The following PARD3B variants were observed in gnomAD, a reference collection of about 807,000 sequenced individuals.
PARD3B encodes partitioning defective 3 homolog B.
A neutral mutation model predicts 130.2 loss-of-function variants in PARD3B; 103 were observed. The ratio of observed to expected loss-of-function variants is 0.79; its 90% confidence interval spans 0.67 to 0.93. PARD3B has a LOEUF of 0.93. Among genes scored for constraint, PARD3B ranks in the 40% least tolerant of loss-of-function variants. The probability of loss-of-function intolerance (pLI) is 0.00; values close to 1 mark genes in which losing one functional copy is unlikely to be tolerated. For synonymous variants in PARD3B, 583 were observed against 553.2 expected, an observed-to-expected ratio of 1.05 and a Z score of -0.76; for missense variants, 1,609 against 1,499.2, an observed-to-expected ratio of 1.07 and a Z score of -1.21.
chr2:204,571,489 A>T (rs2125068622), intron 1 of PARD3B, among the ~76,000 whole-genome samples: 1 of 152,326 alleles, frequency 6.6e-6, no homozygotes, highest in East Asian at 1.9e-4. Context: ...AACTGTGTGT[A>T]TGTCCATGCA....
At chr2:204,843,281 C>T (rs1253605807) in intron 2 of PARD3B, among the ~76,000 whole-genome samples, 1 of 152,170 alleles carries the variant, frequency 6.6e-6, no homozygotes, top group East Asian at 1.9e-4. Context: ...CTGTCCCAGT[C>T]TTGACATTCA....
chr2:205,203,029 T>C (rs1432555502), intron 15 of PARD3B, among the ~76,000 whole-genome samples: 7 of 152,154 alleles, frequency 4.6e-5, no homozygotes, highest in Non-Finnish European at 1.0e-4. Context: ...GTGTATTTTC[T>C]CAAGCTGGGG....
intron 2 of PARD3B, among the ~76,000 whole-genome samples, chr2:204,804,314 C>T (rs2042685595): frequency 6.6e-6 from 1 of 151,986 alleles, no homozygotes; most frequent in Admixed American, 6.6e-5. Context: ...AGAGATATTC[C>T]ATGCAAATTG....
In PARD3B at chr2:205,021,621, C is replaced by T. The variant is rs200132362; in HGVS notation, c.395-25960C>T. On this transcript the variant is annotated intron_variant, in intron 3 of 22. Transcript: ENST00000406610. This position sits in a 1 kb window ranked among gnomAD's most constrained non-coding sequence, Gnocchi z 4.5. ...CTCTCTCTCTCTCTCTCTCTCTCTC[C>T]CTCTCTCTTTCTCTCTCTCTCTCTC... is the stretch of plus-strand genomic sequence containing the variant. 3.8e-4 allele frequency among the ~76,000 whole-genome samples: 48 copies of T among 127,852 alleles called. No homozygotes were observed. The highest frequency in any genetic ancestry group is 3.4e-3 in the South Asian group (13 of 3,868). 83.9% of individuals were successfully genotyped at this position (127,852 alleles called of 152,430 possible). A position where few individuals can be genotyped will look rare whatever the true frequency, so the allele number is the denominator to read the frequency against.
intron 19 of PARD3B, among the ~76,000 whole-genome samples, chr2:205,429,232 A>G (rs1412951282): frequency 6.6e-6 from 1 of 152,212 alleles, no homozygotes; most frequent in African/African-American, 2.4e-5. Context: ...TCCCCCAAAA[A>G]TGTTCCTAAC....
At chr2:205,047,844 ATTAC>A (rs1698909678) in intron 4 of PARD3B, 154 bp downstream of exon 4, 3 of 543,658 alleles carry the variant, frequency 5.5e-6, no homozygotes, top group Admixed American at 3.4e-5. Flanking sequence ...AGTATGGGCT[ATTAC>A]TTGTATATAG....
At chr2:204,862,749 T>C (rs986958161) in intron 2 of PARD3B, among the ~76,000 whole-genome samples, 3 of 152,110 alleles carry the variant, frequency 2.0e-5, no homozygotes, top group African/African-American at 7.2e-5. Flanking sequence ...AACTTTCCCC[T>C]CAGTTTAGTT....
chr2:204,698,549 G>GTTTTT (rs563503534), intron 2 of PARD3B, among the ~76,000 whole-genome samples: 2 of 147,094 alleles, frequency 1.4e-5, no homozygotes, highest in African/African-American at 2.5e-5. Context: ...TGTTGATTGG[G>GTTTTT]TTTTTTTTTT....
chr2:204,817,535 G>T (rs185760368), intron 2 of PARD3B, among the ~76,000 whole-genome samples: 1 of 151,994 alleles, frequency 6.6e-6, no homozygotes, highest in African/African-American at 2.4e-5. Flanking sequence ...AGCACTCCTC[G>T]GTCTTGTGTG....
chr2:205,245,073 T>C (rs1285479686), intron 15 of PARD3B, among the ~76,000 whole-genome samples: 2 of 152,230 alleles, frequency 1.3e-5, no homozygotes, highest in African/African-American at 4.8e-5. Flanking sequence ...CTCTGCAACC[T>C]CTGTCTGCTT....
At chr2:204,850,481 TATATATATATAG>T (rs1476962426) in intron 2 of PARD3B, among the ~76,000 whole-genome samples, 1 of 151,272 alleles carries the variant, frequency 6.6e-6, no homozygotes, top group Non-Finnish European at 1.5e-5. Context: ...AAAAAATATG[TATATATATATAG>T]ATATATGTAT....
At chr2:205,030,676 A>G (rs1303570009) in intron 3 of PARD3B, among the ~76,000 whole-genome samples, 1 of 152,158 alleles carries the variant, frequency 6.6e-6, no homozygotes, top group Non-Finnish European at 1.5e-5. Context: ...TTTGTTTTAG[A>G]TAGGAAACAA....
intron 11 of PARD3B, among the ~76,000 whole-genome samples, chr2:205,159,929 A>G (rs2034408863): frequency 6.6e-6 from 1 of 152,184 alleles, no homozygotes; most frequent in Non-Finnish European, 1.5e-5. Context: ...GCTGCTGATA[A>G]ATGTTAGCCA....
chr2:204,545,813 C>G lies in PARD3B; in HGVS notation c.-187C>G, dbSNP rs2029884925. 1.7e-6 allele frequency: 1 copy of G among 582,506 alleles called. No individual in the cohort carries two copies. The highest frequency in any genetic ancestry group is 2.7e-6 in the Non-Finnish European group (1 of 371,822). The allele number at this position is 582,506 out of a possible 1,614,324, so 36.1% of individuals were successfully genotyped here. A position where few individuals can be genotyped will look rare whatever the true frequency, so the allele number is the denominator to read the frequency against. ...TTTCCGCGGCCGCCCCTCCCCGATT[C>G]CCGCCACCTGCCGCCTGGCCAGGTG... On this transcript the variant is annotated 5_prime_UTR_variant, in exon 1 of 23. Transcript: ENST00000406610.
intron 20 of PARD3B, among the ~76,000 whole-genome samples, chr2:205,457,384 T>G (rs1385150768): frequency 6.6e-6 from 1 of 152,058 alleles, no homozygotes; most frequent in Non-Finnish European, 1.5e-5. Context: ...ATAATTTTTA[T>G]TTTCTCCTTT....
chr2:204,710,323 A>C (rs1404396113), intron 2 of PARD3B, among the ~76,000 whole-genome samples: 1 of 152,206 alleles, frequency 6.6e-6, no homozygotes, highest in African/African-American at 2.4e-5. Context: ...GTTTCCATAT[A>C]TTCTGAATGG....
At chr2:205,085,768 A>G (rs1276607059) in intron 4 of PARD3B, among the ~76,000 whole-genome samples, 1 of 152,068 alleles carries the variant, frequency 6.6e-6, no homozygotes. Flanking sequence ...TATTCAGTAT[A>G]TATTTACATT....
intron 16 of PARD3B, among the ~76,000 whole-genome samples, chr2:205,296,325 T>C (rs2041789780): frequency 6.6e-6 from 1 of 152,202 alleles, no homozygotes; most frequent in African/African-American, 2.4e-5. Flanking sequence ...TTATTCTCAA[T>C]TATTCAAATC....
intron 19 of PARD3B, among the ~76,000 whole-genome samples, chr2:205,403,879 C>A (rs115261396): frequency 8.4e-4 from 128 of 152,256 alleles, no homozygotes; most frequent in Non-Finnish European, 1.3e-3. Context: ...TCTTCATGTA[C>A]CTTCTCCGAA....
Sources: allele counts gnomAD v4.1 joint callset (sites outside exome capture counted in the v4.1 genomes callset), GRCh38; gene constraint gnomAD v4.1.1; non-coding constraint Gnocchi (gnomAD v3.1); transcripts MANE v1.5; gene names NCBI Gene and HGNC (gene_info 2026-07-23, HGNC 2026-07-21).